Variants in ANXA11 observed in about 807,000 individuals in gnomAD.
The protein encoded by ANXA11 is annexin A11.
In ANXA11, 57 loss-of-function variants were observed where a neutral mutation model predicts 64.7. The ratio of observed to expected loss-of-function variants is 0.88; its 90% confidence interval spans 0.71 to 1.10. The LOEUF is 1.10. Among genes scored for constraint, ANXA11 ranks in the 50% least tolerant of loss-of-function variants. The pLI is 0.00. For synonymous variants in ANXA11, 260 were observed against 265.2 expected (o/e 0.98, Z 0.19); for missense variants, 675 against 670.7 (o/e 1.01, Z -0.07).
chr10:80,156,587 C>A (rs1845286310), intron 15 of ANXA11: 2 of 400,314 alleles, frequency 5.0e-6, no homozygotes, highest in South Asian at 1.8e-5. Context: ...GATCCCAGCT[C>A]ACTGCAACCT....
intron 2 of ANXA11, among the ~76,000 whole-genome samples, chr10:80,175,325 T>A (rs1013553234): frequency 6.6e-6 from 1 of 152,068 alleles, no homozygotes; most frequent in Non-Finnish European, 1.5e-5. Context: ...CGGGATGGTG[T>A]CTCTGTCACC....
At chr10:80,203,366 T>C (rs1029509798) in intron 1 of ANXA11, among the ~76,000 whole-genome samples, 6 of 152,054 alleles carry the variant, frequency 3.9e-5, no homozygotes, top group African/African-American at 1.2e-4. Flanking sequence ...TTCTATAGTA[T>C]CATGCATAAA....
chr10:80,168,163 CA>C (rs1466135009), intron 5 of ANXA11, among the ~76,000 whole-genome samples: 3 of 124,866 alleles, frequency 2.4e-5, no homozygotes, highest in African/African-American at 8.5e-5. Flanking sequence ...AACTGTTCTC[CA>C]AAATGAGCCA....
chr10:80,202,203 A>G (rs7076554), intron 1 of ANXA11, among the ~76,000 whole-genome samples: 5 of 114,528 alleles, frequency 4.4e-5, no homozygotes, highest in Non-Finnish European at 6.9e-5. Flanking sequence ...TGTGGGGGGG[A>G]AGCGGGGGGT....
Position 80,153,504 on chromosome 10 carries a change from T to C in ANXA11, c.*2349A>G, listed in dbSNP as rs565345037. 1.3e-5 allele frequency: 2 copies of C among 152,306 alleles called. No individual in the cohort carries two copies. Among genetic ancestry groups the C allele is most frequent in the African/African-American group, 2.4e-5 (1 of 41,544 alleles). 9.4% of individuals were successfully genotyped at this position (152,306 alleles called of 1,614,324 possible). A position where few individuals can be genotyped will look rare whatever the true frequency, so the allele number is the denominator to read the frequency against. The stretch of plus-strand genomic sequence containing the variant: ...CAGGGCAAGGTAATGTCACAGAATA[T>C]GGTCACATCAGAGCACATTGGTTCT... On this transcript the variant is annotated 3_prime_UTR_variant, in exon 16 of 16. Transcript: ENST00000422982.
chr10:80,161,162 T>A (rs1845487516), intron 12 of ANXA11, among the ~76,000 whole-genome samples: 1 of 152,114 alleles, frequency 6.6e-6, no homozygotes, highest in Admixed American at 6.5e-5. Context: ...CTCCGGGAAG[T>A]CATCAGCAGG....
At chr10:80,169,438 A>G in intron 4 of ANXA11, 80 bp from the exon 5 acceptor site, 1 of 1,510,534 alleles carries the variant, frequency 6.6e-7, no homozygotes, top group Non-Finnish European at 9.0e-7. Flanking sequence ...TACCTAAGCC[A>G]AGTCAGTCCT....
At chr10:80,159,887 A>T (rs1312325699) in intron 12 of ANXA11, among the ~76,000 whole-genome samples, 2 of 152,078 alleles carry the variant, frequency 1.3e-5, no homozygotes, top group African/African-American at 4.8e-5. Flanking sequence ...GGCTTTATTC[A>T]TGCATCCATC....
Position 80,155,646 on chromosome 10 carries a change from G to T in ANXA11, c.*207C>A. On this transcript the variant is annotated 3_prime_UTR_variant, in exon 16 of 16. Coordinates refer to ENST00000422982, the MANE Select transcript of ANXA11 (RefSeq NM_145868.2). Reference sequence around the variant, plus strand: ...AGCAGCAAGAGGCTGTGAGGGATGGGGTAGAAAAGGCATCCTGAGAGAGTT... The same window carrying T: ...AGCAGCAAGAGGCTGTGAGGGATGGTGTAGAAAAGGCATCCTGAGAGAGTT... 1.8e-6 allele frequency: 1 copy of T among 553,894 alleles called. No homozygotes were observed. The highest frequency in any genetic ancestry group is 4.6e-4 in the Middle Eastern group (1 of 2,178). 34.3% of individuals were successfully genotyped at this position (553,894 alleles called of 1,614,324 possible). A position where few individuals can be genotyped will look rare whatever the true frequency, so the allele number is the denominator to read the frequency against.
At position 80,155,170 on chromosome 10, in the gene ANXA11, C is replaced by G. The variant is rs2132350482; in HGVS notation, c.*683G>C. The G allele has an allele frequency of 6.5e-6, 1 of 152,710 alleles. No homozygotes were observed. Among genetic ancestry groups the G allele is most frequent in the South Asian group, 2.1e-4 (1 of 4,822 alleles). 9.5% of individuals were successfully genotyped at this position (152,710 alleles called of 1,614,324 possible). On this transcript the variant is annotated 3_prime_UTR_variant, in exon 16 of 16. Transcript: ENST00000422982. ...AGCTGGCTGACTCTTAATGTGGAAA[C>G]AAGTTTTGGCTACAGACATTCAGGT...
chr10:80,198,722 A>C (rs943777316), intron 1 of ANXA11, among the ~76,000 whole-genome samples: 2 of 151,574 alleles, frequency 1.3e-5, no homozygotes, highest in African/African-American at 4.9e-5. Context: ...CTCGACCCTG[A>C]TTTTTCAAGA....
intron 12 of ANXA11, among the ~76,000 whole-genome samples, chr10:80,160,914 T>C (rs1189298627): frequency 6.6e-6 from 1 of 151,932 alleles, no homozygotes; most frequent in Admixed American, 6.6e-5. Flanking sequence ...ACCCTCTCTC[T>C]CCCACACGTC....
chr10:80,184,493 A>C (rs1191474015), intron 1 of ANXA11, among the ~76,000 whole-genome samples: 1 of 152,154 alleles, frequency 6.6e-6, no homozygotes, highest in Non-Finnish European at 1.5e-5. Flanking sequence ...AAAGTTGAAA[A>C]ACTGTAAGTT....
intron 11 of ANXA11, 96 bp from the exon 12 acceptor site, chr10:80,162,124 G>T: frequency 9.2e-7 from 1 of 1,086,378 alleles, no homozygotes; most frequent in Non-Finnish European, 1.3e-6. Flanking sequence ...GAAGGTTTGA[G>T]CCTAAAGTAT....
intron 6 of ANXA11, 77 bp downstream of exon 6, chr10:80,167,149 A>T (rs1845777622): frequency 6.8e-7 from 1 of 1,472,190 alleles, no homozygotes; most frequent in Non-Finnish European, 9.5e-7. Flanking sequence ...CAGCTACCCC[A>T]GCCCACAGAG....
intron 3 of ANXA11, among the ~76,000 whole-genome samples, chr10:80,172,553 G>C (rs576149374): frequency 5.3e-5 from 8 of 152,270 alleles, no homozygotes; most frequent in East Asian, 3.9e-4. Flanking sequence ...TAAGGCAAGA[G>C]ACCCAGCCCT....
At position 80,167,247 on chromosome 10, in the gene ANXA11, G is replaced by A. The variant is rs768664021; in HGVS notation, c.628C>T (p.Arg210Trp). The change falls in exon 6 of 16, where the codon CGG (arginine) becomes TGG (tryptophan). Residue 210 changes from arginine to tryptophan, a missense_variant. Physicochemically the swap from Arg to Trp is moderately radical, Grantham distance 101. Transcript: ENST00000422982. ...TTACCGAAGCCTTTCATGGCCTTCC[G>A]CAGGACCTCGGCATCTCGCAGGGGG... ...FDPLRDAEVL[R>W]KAMKGFGTDE... The A allele has an allele frequency of 2.0e-5, 33 of 1,614,068 alleles. No homozygotes were observed. Among genetic ancestry groups the A allele is most frequent in the Admixed American group, 8.3e-5 (5 of 60,010 alleles).
intron 5 of ANXA11, 46 bp downstream of exon 5, chr10:80,168,923 T>C: frequency 6.8e-7 from 1 of 1,462,986 alleles, no homozygotes; most frequent in Non-Finnish European, 9.0e-7. Context: ...TCTCCAGCCT[T>C]TGGGGCCCAG....
rs187454440 is a variant in ANXA11, at chr10:80,195,782, C to G, written c.-58+9561G>C. On this transcript the variant is annotated intron_variant, in intron 1 of 15. Transcript: ENST00000422982. ...CAATCATGGCTGAAGGTGAAAGGCACGTCTCACATGGCAGCAGACAAGAGA... is the reference window on the plus strand; with the variant it reads ...CAATCATGGCTGAAGGTGAAAGGCAGGTCTCACATGGCAGCAGACAAGAGA... The G allele has an allele frequency of 4.7e-4, 76 of 161,876 alleles. 1 individual carries two copies. In the East Asian group the frequency reaches 5.6e-3, roughly 12 times the overall value. 10.0% of individuals were successfully genotyped at this position (161,876 alleles called of 1,614,324 possible).
Sources: allele counts gnomAD v4.1 joint callset (sites outside exome capture counted in the v4.1 genomes callset), GRCh38; gene constraint gnomAD v4.1.1; transcripts MANE v1.5; gene names NCBI Gene and HGNC (gene_info 2026-07-23, HGNC 2026-07-21).